Variants in DIPK1B observed in about 807,000 individuals in gnomAD.
DIPK1B encodes family with sequence similarity 69 member B.
Under a neutral mutation model 20.7 loss-of-function variants are expected in DIPK1B, and 17 were observed. The ratio of observed to expected loss-of-function variants is 0.82; its 90% CI spans 0.56 to 1.23. The LOEUF is 1.23. Among genes scored for constraint, DIPK1B ranks in the 50% most tolerant of loss-of-function variants. The probability of loss-of-function intolerance (pLI) is 0.00; values close to 1 mark genes in which losing one functional copy is unlikely to be tolerated. For synonymous variants in DIPK1B, 343 were observed against 276.5 expected (o/e 1.24, Z -2.39); for missense variants, 648 against 601.8 (o/e 1.08, Z -0.80).
At chr9:136,722,352 TGCCCAGCAGGCG>T (rs1244529550) in intron 4 of DIPK1B, 51 bp downstream of exon 4, 1 of 1,569,896 alleles carries the variant, frequency 6.4e-7, no homozygotes, top group South Asian at 1.1e-5. Flanking sequence ...CACGGTCATA[TGCCCAGCAGGCG>T]GCCCTGGCAC....
chr9:136,716,358 C>T (rs186799591), intron 1 of DIPK1B, among the ~76,000 whole-genome samples: 1 of 151,358 alleles, frequency 6.6e-6, no homozygotes, highest in East Asian at 2.0e-4. Context: ...GCTTCAACCT[C>T]CCGGGTTCAA....
rs1158377449 is a variant in DIPK1B at position 136,724,033 on chromosome 9, T to C, written c.*259T>C. 1.4e-5 allele frequency: 7 copies of C among 510,576 alleles called. No individual in the cohort carries two copies. Among genetic ancestry groups the C allele is most frequent in the Non-Finnish European group, 2.5e-5 (7 of 281,512 alleles). 31.6% of individuals were successfully genotyped at this position (510,576 alleles called of 1,614,324 possible). ...ACGTAATGTCAATAAACAGCTTTTATGTAATGCCCAGGGCTGAGCACCCTG... is the reference window on the plus strand; with the variant it reads ...ACGTAATGTCAATAAACAGCTTTTACGTAATGCCCAGGGCTGAGCACCCTG... On this transcript the variant is annotated 3_prime_UTR_variant, in exon 5 of 5. Transcript: ENST00000371692.
At chr9:136,716,755 C>T (rs932885878) in intron 1 of DIPK1B, among the ~76,000 whole-genome samples, 5 of 152,102 alleles carry the variant, frequency 3.3e-5, no homozygotes, top group African/African-American at 4.8e-5. Flanking sequence ...CCTAGGGCCC[C>T]GTTCTCCAAA....
At position 136,723,441 on chromosome 9, in the gene DIPK1B, C is replaced by G; in HGVS notation, c.963C>G (p.Pro321=). The part of the protein sequence containing the change: ...FKMADLQQVA[P]EATVRRFLQG... ...TGGCCGACCTGCAGCAGGTGGCACC[C>G]GAGGCCACCGTGCGCCGCTTCCTGC... Residue 321 remains proline (P), a synonymous_variant, in exon 5 of 5, where the codon CCC becomes CCG. Coordinates refer to ENST00000371692, the MANE Select transcript of DIPK1B (RefSeq NM_152421.4). The G allele has an allele frequency of 1.2e-6, 2 of 1,611,680 alleles. No homozygotes were observed. Among genetic ancestry groups the G allele is most frequent in the African/African-American group, 1.3e-5 (1 of 75,018 alleles).
In DIPK1B at chr9:136,723,300, C is replaced by T. The variant is rs766275825; in HGVS notation, c.822C>T (p.Ile274=). The change falls in exon 5 of 5, where the codon ATC becomes ATT. Residue 274 remains isoleucine, a synonymous_variant. Transcript: ENST00000371692. ...LGPAWPWRAK[I]AIGLLEFVEE... ...CTGCGTGGCCTTGGCGGGCCAAGATCGCCATCGGCCTGCTGGAGTTCGTGG... is the reference window on the plus strand; with the variant it reads ...CTGCGTGGCCTTGGCGGGCCAAGATTGCCATCGGCCTGCTGGAGTTCGTGG... 38 of 1,612,564 alleles carry T rather than the reference C, an allele frequency of 2.4e-5. 1 individual carries two copies. The highest frequency in any genetic ancestry group is 1.3e-4 in the Admixed American group (8 of 60,006).
chr9:136,723,480 C>T lies in DIPK1B; in HGVS notation c.1002C>T (p.Cys334=), dbSNP rs151332628. 92 of 1,610,170 alleles carry T rather than the reference C, an allele frequency of 5.7e-5. No homozygotes were observed. The African/African-American group carries it at 1.0e-3, about 18-fold the overall frequency. Residue 334 remains cysteine (C), a synonymous_variant, in exon 5 of 5, where the codon TGC becomes TGT. Coordinates refer to ENST00000371692, the MANE Select transcript of DIPK1B (RefSeq NM_152421.4). ...TVRRFLQGRR[C]EHSTDCTYGR... Reference sequence around the variant, plus strand: ...GCCGCTTCCTGCAGGGCCGCCGCTGCGAGCACAGCACCGACTGCACCTACG... The same window carrying T: ...GCCGCTTCCTGCAGGGCCGCCGCTGTGAGCACAGCACCGACTGCACCTACG...
At chr9:136,718,743 TGG>T (rs756131274) in intron 2 of DIPK1B, among the ~76,000 whole-genome samples, 7 of 152,262 alleles carry the variant, frequency 4.6e-5, no homozygotes, top group Admixed American at 1.3e-4. Flanking sequence ...CTCCGTCAGA[TGG>T]GGAGAGCACC....
chr9:136,718,168 C>A (rs67957838), intron 2 of DIPK1B, among the ~76,000 whole-genome samples: 87,985 of 148,818 alleles, frequency 0.59, 27,030 homozygotes, highest in East Asian at 0.73. Context: ...CCTCACTGGC[C>A]TGGGATAGAG....
At chr9:136,721,309 T>TC (rs1428488880) in intron 2 of DIPK1B, 1 of 152,394 alleles carries the variant, frequency 6.6e-6, no homozygotes, top group African/African-American at 2.4e-5. Flanking sequence ...GTGGGGCAGC[T>TC]CCTGGCCCTT....
chr9:136,723,749 A>T lies in DIPK1B; in HGVS notation c.1271A>T (p.Lys424Met), dbSNP rs561008974. ...LSHLKTLLWK[K>M]ISNTKYS ...CACCTCAAGACTCTGCTCTGGAAGA[A>T]GATCTCCAACACCAAGTACTCTTGA... Residue 424 changes from lysine (K) to methionine (M), a missense_variant, in exon 5 of 5, where the codon AAG becomes ATG. Lys to Met is a moderately conservative substitution (Grantham distance 95, BLOSUM62 -1). Coordinates refer to ENST00000371692, the MANE Select transcript of DIPK1B (RefSeq NM_152421.4). 64 of 1,534,682 alleles carry T rather than the reference A, an allele frequency of 4.2e-5. No homozygotes were observed. Among genetic ancestry groups the T allele is most frequent in the Admixed American group, 3.5e-4 (18 of 50,980 alleles).
intron 2 of DIPK1B, 31 bp from the exon 3 acceptor site, chr9:136,721,890 C>T: frequency 1.2e-6 from 2 of 1,602,850 alleles, no homozygotes; most frequent in Non-Finnish European, 1.7e-6. Flanking sequence ...TGTGGCTGCC[C>T]CGCCCGGCAC....
intron 2 of DIPK1B, chr9:136,721,097 G>A (rs7029239): frequency 0.26 from 39,043 of 152,312 alleles, 5,176 homozygotes; most frequent in African/African-American, 0.31. Flanking sequence ...CCCTGACGGG[G>A]AGCAGAGGGG....
chr9:136,712,805 G>C lies in DIPK1B; in HGVS notation c.63+77G>C, dbSNP rs1846445278. 9.2e-7 allele frequency: 1 copy of C among 1,084,016 alleles called. No individual in the cohort carries two copies. Among genetic ancestry groups the C allele is most frequent in the Non-Finnish European group, 1.2e-6 (1 of 850,410 alleles). The allele number at this position is 1,084,016 out of a possible 1,614,324, so 67.1% of individuals were successfully genotyped here. On this transcript the variant is annotated intron_variant, in intron 1 of 4. Coordinates refer to ENST00000371692, the MANE Select transcript of DIPK1B (RefSeq NM_152421.4). This position sits in a 1 kb window ranked among gnomAD's most constrained non-coding sequence, Gnocchi z 5.6. ...GAGCTCCAGCCCCGGAGTGGGCCGA[G>C]TACGGAGCGGGGCCCCGGGTTCGGA...
rs146099753 is a variant in DIPK1B, at chr9:136,715,776, A to G, written c.64-1801A>G. Among the ~76,000 whole-genome samples the G allele has an allele frequency of 8.1e-3, 1,233 of 152,160 alleles. 18 individuals are homozygous for G. Among genetic ancestry groups the G allele is most frequent in the African/African-American group, 0.028 (1,169 of 41,516 alleles). ...TGATCTGCCTGCCTCGGCCTCCCAAAGTTCTGGGATTACAGGGGTGAGCCA... is the reference window on the plus strand; with the variant it reads ...TGATCTGCCTGCCTCGGCCTCCCAAGGTTCTGGGATTACAGGGGTGAGCCA... On this transcript the variant is annotated intron_variant, in intron 1 of 4. Transcript: ENST00000371692.
intron 1 of DIPK1B, among the ~76,000 whole-genome samples, chr9:136,717,013 G>A (rs1366315676): frequency 6.6e-6 from 1 of 152,084 alleles, no homozygotes; most frequent in Non-Finnish European, 1.5e-5. Context: ...TAGATCACCT[G>A]AGGTCCGGAG....
rs188198731 is a variant in DIPK1B, at chr9:136,717,731, G to A, written c.198+20G>A. On this transcript the variant is annotated intron_variant, in intron 2 of 4. Coordinates refer to ENST00000371692, the MANE Select transcript of DIPK1B (RefSeq NM_152421.4). ...GTCATTGTAAGTGTTGCTTGTGCGG[G>A]CTGGGGACTGGGCCGTGCCCCCTGC... 139 of 1,610,154 alleles carry A rather than the reference G, an allele frequency of 8.6e-5. No homozygotes were observed. In the East Asian group the frequency reaches 3.0e-3, roughly 35 times the overall value.
chr9:136,718,073 C>A (rs1846526993), intron 2 of DIPK1B, among the ~76,000 whole-genome samples: 2 of 151,820 alleles, frequency 1.3e-5, no homozygotes, highest in Admixed American at 6.6e-5. Flanking sequence ...GGGATAGAGA[C>A]CCCCGTGTGG....
chr9:136,716,743 C>T (rs556534919), intron 1 of DIPK1B, among the ~76,000 whole-genome samples: 2 of 152,184 alleles, frequency 1.3e-5, no homozygotes, highest in Non-Finnish European at 2.9e-5. Context: ...CTGCGTTGGG[C>T]TCCTAGGGCC....
chr9:136,721,703 C>T (rs985087072), intron 2 of DIPK1B: 9 of 561,996 alleles, frequency 1.6e-5, no homozygotes, highest in Admixed American at 3.1e-5. Flanking sequence ...GGGACGGGAC[C>T]GGACCGGAGG....
Sources: allele counts gnomAD v4.1 joint callset (sites outside exome capture counted in the v4.1 genomes callset), GRCh38; gene constraint gnomAD v4.1.1; non-coding constraint Gnocchi (gnomAD v3.1); transcripts MANE v1.5; gene names NCBI Gene and HGNC (gene_info 2026-07-23, HGNC 2026-07-21).